The following SDSL variants were observed in gnomAD, a reference collection of about 807,000 sequenced individuals.
SDSL encodes the protein serine dehydratase-like.
A neutral mutation model predicts 27.6 loss-of-function variants in SDSL; 26 were observed. That is an observed-to-expected ratio of 0.94 (90% CI 0.69 to 1.31). SDSL has a LOEUF of 1.31. Among genes scored for constraint, SDSL ranks in the 50% most tolerant of loss-of-function variants. The pLI is 0.00. For missense variants in SDSL, 431 were observed against 423.5 expected (o/e 1.02, Z -0.16); for synonymous variants, 196 against 180.6 (o/e 1.09, Z -0.69).
chr12:113,435,628 C>T (rs1399591054), intron 6 of SDSL, 72 bp downstream of exon 6: 1 of 1,323,880 alleles, frequency 7.6e-7, no homozygotes, highest in South Asian at 1.4e-5. Flanking sequence ...CTTCCAGTCC[C>T]AGCCGGTGGA....
intron 4 of SDSL, 34 bp downstream of exon 4, chr12:113,429,333 TG>T (rs879038571): frequency 6.3e-7 from 1 of 1,585,752 alleles, no homozygotes; most frequent in South Asian, 1.1e-5. Flanking sequence ...ACCATCTGGG[TG>T]GGCTGCTCTC....
chr12:113,432,282 TTCTTTCTTTC>T lies in SDSL; in HGVS notation c.355-1848_355-1839del, dbSNP rs1295559175. ...TTTCTTTCTTTCTTTCTTTCTTTCT[TTCTTTCTTTC>T]TCTCTCTCTCTTTCTGTCTCTCTGT... On this transcript the variant is annotated intron_variant, in intron 4 of 7. Transcript: ENST00000403593. 9.5e-4 allele frequency among the ~76,000 whole-genome samples: 66 copies of T among 69,494 alleles called. 1 individual carries two copies. The highest frequency in any genetic ancestry group is 2.0e-3 in the Admixed American group (13 of 6,364). The allele number at this position is 69,494 out of a possible 152,430, so 45.6% of individuals were successfully genotyped here. A position where few individuals can be genotyped will look rare whatever the true frequency, so the allele number is the denominator to read the frequency against.
chr12:113,433,208 C>T (rs1957955406), intron 4 of SDSL, among the ~76,000 whole-genome samples: 1 of 152,200 alleles, frequency 6.6e-6, no homozygotes, highest in African/African-American at 2.4e-5. Flanking sequence ...TCCTTGCAGT[C>T]AGAGACCATT....
Position 113,432,705 on chromosome 12 carries a change from C to T in SDSL, c.355-1429C>T, listed in dbSNP as rs142617401. Among the ~76,000 whole-genome samples, 246 of 152,322 alleles carry T rather than the reference C, an allele frequency of 1.6e-3. 1 individual carries two copies. Among genetic ancestry groups the T allele is most frequent in the African/African-American group, 5.5e-3 (229 of 41,574 alleles). ...CACTTTTGGAGTCCCCAGTGTCTCT[C>T]GTTCCCATCTTTGTGCCCATGTTTA... On this transcript the variant is annotated intron_variant, in intron 4 of 7. Transcript: ENST00000403593.
At chr12:113,424,769 T>A (rs12830090) in intron 1 of SDSL, among the ~76,000 whole-genome samples, 12,740 of 151,544 alleles carry the variant, frequency 0.084, 936 homozygotes, top group African/African-American at 0.2. Flanking sequence ...ACAGTCTCAC[T>A]CTGTTGCCCA....
At chr12:113,435,268 G>A (rs1172515569) in intron 5 of SDSL, 61 bp from the exon 6 acceptor site, 27 of 1,204,596 alleles carry the variant, frequency 2.2e-5, no homozygotes, top group Non-Finnish European at 3.1e-5. Flanking sequence ...CCCCACCACA[G>A]GAGCCATCTG....
rs781621972 is a variant in SDSL, at chr12:113,437,470, C to T, written c.797-416C>T. Reference sequence around the variant, plus strand: ...GACGGATGGATGGATAATGAAGTGACGGATTGATGAATGGTATAGAAATGA... The same window carrying T: ...GACGGATGGATGGATAATGAAGTGATGGATTGATGAATGGTATAGAAATGA... On this transcript the variant is annotated intron_variant, in intron 7 of 7. Transcript: ENST00000403593. Among the ~76,000 whole-genome samples the T allele has an allele frequency of 1.7e-3, 253 of 151,884 alleles. 4 individuals carry two copies. The highest frequency in any genetic ancestry group is 1.3e-3 in the Non-Finnish European group (89 of 67,942).
rs752854752 is a variant in SDSL, at chr12:113,429,254, G to T, written c.309G>T (p.Val103=). ...CCGAGAGCACCTCCCTGCAGGTGGT[G>T]CAGAGGCTGCAGGGGGAGGGGGCCG... ...VLPESTSLQV[V]QRLQGEGAEV... Residue 103 remains valine (V), a synonymous_variant, in exon 4 of 8, where the codon GTG becomes GTT. Transcript: ENST00000403593. The T allele has an allele frequency of 1.9e-6, 3 of 1,613,400 alleles. No homozygotes were observed. The highest frequency in any genetic ancestry group is 2.5e-6 in the Non-Finnish European group (3 of 1,179,570).
Position 113,435,432 on chromosome 12 carries a change from G to A in SDSL, c.547G>A (p.Val183Met). 1 of 1,613,682 alleles carries A rather than the reference G, an allele frequency of 6.2e-7. No individual in the cohort carries two copies. Among genetic ancestry groups the A allele is most frequent in the Non-Finnish European group, 8.5e-7 (1 of 1,179,844 alleles). Residue 183 changes from valine to methionine, a missense_variant, in exon 6 of 8, where the codon GTG becomes ATG. Coordinates refer to ENST00000403593, the MANE Select transcript of SDSL (RefSeq NM_001304993.2). ...GGGTGGGGGTCTCCTGGCCGGGGTG[G>A]TGGCTGGCCTGCTGGAGGTGGGCTG... is the stretch of plus-strand genomic sequence containing the variant. ...VGGGGLLAGV[V>M]AGLLEVGWQH...
chr12:113,428,466 C>A lies in SDSL; in HGVS notation c.214+7C>A. The A allele has an allele frequency of 6.2e-7, 1 of 1,610,822 alleles. No homozygotes were observed. Among genetic ancestry groups the A allele is most frequent in the Middle Eastern group, 1.8e-4 (1 of 5,476 alleles). On this transcript the variant is annotated splice_region_variant and intron_variant, in intron 3 of 7. Transcript: ENST00000403593. Reference sequence around the variant, plus strand: ...CACCTGGTGTGCTCCTCAGGTGACCCCACCTTTTTTTGTTTCATGGGCAGA... The same window carrying A: ...CACCTGGTGTGCTCCTCAGGTGACCACACCTTTTTTTGTTTCATGGGCAGA...
chr12:113,431,477 C>T (rs1176086399), intron 4 of SDSL, among the ~76,000 whole-genome samples: 2 of 151,772 alleles, frequency 1.3e-5, no homozygotes, highest in Non-Finnish European at 2.9e-5. Context: ...TTCAGGGATA[C>T]ATGTGCAGGT....
chr12:113,428,158 T>C lies in SDSL; in HGVS notation c.174+2T>C. The C allele has an allele frequency of 6.2e-7, 1 of 1,602,160 alleles. No homozygotes were observed. On this transcript the variant is annotated splice_donor_variant, in intron 2 of 7. Coordinates refer to ENST00000403593, the MANE Select transcript of SDSL (RefSeq NM_001304993.2). LOFTEE classifies it high-confidence loss of function. Reference sequence around the variant, plus strand: ...GGCATTGGGCATTTCTGCCAGGAGGTGAGGGTGTGTGGGAAGGAGGGGAGA... The same window carrying C: ...GGCATTGGGCATTTCTGCCAGGAGGCGAGGGTGTGTGGGAAGGAGGGGAGA...
At position 113,429,214 on chromosome 12, in the gene SDSL, C is replaced by T. The variant is rs991251673; in HGVS notation, c.269C>T (p.Ala90Val). The change falls in exon 4 of 8, where the codon GCC becomes GTC. Residue 90 changes from alanine to valine, a missense_variant. Ala to Val is a moderately conservative substitution (Grantham distance 64). Coordinates refer to ENST00000403593, the MANE Select transcript of SDSL (RefSeq NM_001304993.2). ...GCTGCTAGGAAGCTGGGCATTCCTG[C>T]CACCATCGTGCTCCCCGAGAGCACC... The part of the protein sequence containing the change: ...AYAARKLGIP[A>V]TIVLPESTSL... 6 of 1,613,924 alleles carry T rather than the reference C, an allele frequency of 3.7e-6. No individual in the cohort carries two copies. The highest frequency in any genetic ancestry group is 3.4e-6 in the Non-Finnish European group (4 of 1,179,904).
chr12:113,435,662 C>A, intron 6 of SDSL, 106 bp downstream of exon 6: 1 of 925,428 alleles, frequency 1.1e-6, no homozygotes, highest in Non-Finnish European at 1.7e-6. Context: ...AAAAGGCTGT[C>A]CTTGGTCCTG....
At chr12:113,434,031 G>T (rs746827165) in intron 4 of SDSL, 103 bp from the exon 5 acceptor site, 27 of 916,278 alleles carry the variant, frequency 2.9e-5, no homozygotes, top group Admixed American at 6.4e-5. Flanking sequence ...GCTGTCCCCA[G>T]ACTACTAGAT....
At position 113,435,320 on chromosome 12, in the gene SDSL, C is replaced by A. The variant is rs369587117; in HGVS notation, c.444-9C>A. On this transcript the variant is annotated splice_polypyrimidine_tract_variant and intron_variant, in intron 5 of 7. Coordinates refer to ENST00000403593, the MANE Select transcript of SDSL (RefSeq NM_001304993.2). ...CACTCTGCTTCTCCCTCTCACCCCCCCTCCCCAGGAAAGGCCACGCCAGCC... is the reference window on the plus strand; with the variant it reads ...CACTCTGCTTCTCCCTCTCACCCCCACTCCCCAGGAAAGGCCACGCCAGCC... 10 of 1,492,318 alleles carry A rather than the reference C, an allele frequency of 6.7e-6. No individual in the cohort carries two copies. Among genetic ancestry groups the A allele is most frequent in the African/African-American group, 1.4e-5 (1 of 71,884 alleles). The allele number at this position is 1,492,318 out of a possible 1,614,324, so 92.4% of individuals were successfully genotyped here. A position where few individuals can be genotyped will look rare whatever the true frequency, so the allele number is the denominator to read the frequency against.
At chr12:113,422,555 G>A (rs1565875368) in intron 1 of SDSL, 78 bp downstream of exon 1, 1 of 152,750 alleles carries the variant, frequency 6.5e-6, no homozygotes, top group Non-Finnish European at 1.5e-5. Flanking sequence ...GGCTGCAGGA[G>A]TTTGGGAGGC....
At chr12:113,428,895 G>C (rs1227750495) in intron 3 of SDSL, among the ~76,000 whole-genome samples, 1 of 151,326 alleles carries the variant, frequency 6.6e-6, no homozygotes, top group South Asian at 2.1e-4. Flanking sequence ...ACCCCTTCTC[G>C]ATGCCTCGCC....
rs548471801 is a variant in SDSL, at chr12:113,436,257, A to ATC, written c.672-494_672-493insTC. Among the ~76,000 whole-genome samples, 34 of 151,900 alleles carry ATC rather than the reference A, an allele frequency of 2.2e-4. 1 individual carries two copies. Among genetic ancestry groups the ATC allele is most frequent in the Middle Eastern group, 6.8e-3 (2 of 294 alleles). On this transcript the variant is annotated intron_variant, in intron 6 of 7. Transcript: ENST00000403593. Reference sequence around the variant, plus strand: ...TACATCTGCAAAGACTCTATTTCCGAGTAAGATCACATTTTGAGGTTCTTG... The same window carrying ATC: ...TACATCTGCAAAGACTCTATTTCCGATCGTAAGATCACATTTTGAGGTTCTTG...
Sources: gnomAD v4.1 joint callset for allele counts (sites outside exome capture counted in the v4.1 genomes callset) on GRCh38, gnomAD v4.1.1 for gene constraint, MANE v1.5 for transcripts, NCBI Gene and HGNC (gene_info 2026-07-23, HGNC 2026-07-21) for gene names.